CTNNA2: variants seen among roughly 807,000 people sequenced by gnomAD.
The protein encoded by CTNNA2 is catenin alpha-2.
A neutral mutation model predicts 101.0 loss-of-function variants in CTNNA2; 42 were observed. The ratio of observed to expected loss-of-function variants is 0.42; its 90% CI spans 0.32 to 0.54. The LOEUF is 0.54. Among genes scored for constraint, CTNNA2 ranks in the 20% least tolerant of loss-of-function variants. The pLI is 0.14. For missense variants in CTNNA2, 871 were observed against 1,223.1 expected (o/e 0.71, Z 4.29); for synonymous variants, 450 against 456.4 (o/e 0.99, Z 0.18).
At chr2:80,083,279 T>G (rs1408538908) in intron 7 of CTNNA2, among the ~76,000 whole-genome samples, 1 of 152,152 alleles carries the variant, frequency 6.6e-6, no homozygotes, top group Non-Finnish European at 1.5e-5. Flanking sequence ...GTACTAGTTT[T>G]GAAATTCCCA....
chr2:79,412,603 G>T (rs988789282), intron 4 of CTNNA2, among the ~76,000 whole-genome samples: 3 of 151,718 alleles, frequency 2.0e-5, no homozygotes, highest in African/African-American at 7.3e-5. Context: ...ACTCAAAACC[G>T]CTCAACTACA....
At chr2:80,639,168 C>T (rs1673176268) in intron 18 of CTNNA2, among the ~76,000 whole-genome samples, 1 of 152,278 alleles carries the variant, frequency 6.6e-6, no homozygotes, top group South Asian at 2.1e-4. Context: ...CAGAATTTCA[C>T]TTATCAGGGA....
At chr2:79,302,118 GTAAA>G (rs200230820) in intron 2 of CTNNA2, among the ~76,000 whole-genome samples, 20 of 150,066 alleles carry the variant, frequency 1.3e-4, no homozygotes, top group African/African-American at 4.4e-4. Context: ...AAATAAATAA[GTAAA>G]TAAATAAATA....
At chr2:79,728,080 T>G (rs1686969819) in intron 2 of CTNNA2, among the ~76,000 whole-genome samples, 1 of 152,168 alleles carries the variant, frequency 6.6e-6, no homozygotes, top group Non-Finnish European at 1.5e-5. Flanking sequence ...TGTAATCCTT[T>G]GGGTATATAC....
At chr2:79,819,376 A>G (rs888446574) in intron 3 of CTNNA2, among the ~76,000 whole-genome samples, 1 of 152,068 alleles carries the variant, frequency 6.6e-6, no homozygotes, top group Non-Finnish European at 1.5e-5. Flanking sequence ...CTTATAACTT[A>G]TGGGCTTACT....
intron 2 of CTNNA2, among the ~76,000 whole-genome samples, chr2:79,739,001 C>T (rs1395297327): frequency 1.3e-5 from 2 of 151,910 alleles, no homozygotes; most frequent in East Asian, 3.9e-4. Context: ...CCTTGGAAAA[C>T]ATCAGCTCCA....
chr2:79,256,789 C>T (rs1286298707), intron 2 of CTNNA2, among the ~76,000 whole-genome samples: 1 of 152,080 alleles, frequency 6.6e-6, no homozygotes, highest in Non-Finnish European at 1.5e-5. Flanking sequence ...TCTCTAAGCC[C>T]CAGTTTTCTC....
intron 7 of CTNNA2, among the ~76,000 whole-genome samples, chr2:80,271,404 G>A (rs1673461776): frequency 1.3e-5 from 2 of 150,836 alleles, no homozygotes; most frequent in Non-Finnish European, 1.5e-5. Flanking sequence ...CATTGACCAA[G>A]CTTCTTTATC....
At chr2:80,205,202 A>G (rs541138089) in intron 7 of CTNNA2, among the ~76,000 whole-genome samples, 1 of 152,258 alleles carries the variant, frequency 6.6e-6, no homozygotes, top group East Asian at 1.9e-4. Context: ...CCAAACCTAA[A>G]AGGTAGAGAG....
intron 14 of CTNNA2, among the ~76,000 whole-genome samples, chr2:80,584,817 A>C (rs1294347454): frequency 1.3e-5 from 2 of 152,154 alleles, no homozygotes; most frequent in Non-Finnish European, 2.9e-5. Context: ...GGTAATGGTG[A>C]TGATGCTTGT....
chr2:80,395,993 C>G (rs1677979378), intron 8 of CTNNA2, among the ~76,000 whole-genome samples: 1 of 152,166 alleles, frequency 6.6e-6, no homozygotes, highest in African/African-American at 2.4e-5. Context: ...AAGGGTGACC[C>G]TGGAGCCTTG....
At chr2:79,995,149 T>G (rs1471050083) in intron 7 of CTNNA2, among the ~76,000 whole-genome samples, 1 of 152,192 alleles carries the variant, frequency 6.6e-6, no homozygotes, top group African/African-American at 2.4e-5. Flanking sequence ...TCCTTGGCAA[T>G]GCAATTATCT....
chr2:79,285,684 A>T (rs12614434), intron 2 of CTNNA2, among the ~76,000 whole-genome samples: 58,286 of 88,878 alleles, frequency 0.66, 19,093 homozygotes, highest in East Asian at 0.73. Flanking sequence ...GTATGTGGTC[A>T]ATTTTGGAAT....
chr2:80,189,558 A>G (rs556899321), intron 7 of CTNNA2, among the ~76,000 whole-genome samples: 1 of 152,332 alleles, frequency 6.6e-6, no homozygotes, highest in East Asian at 1.9e-4. Context: ...AGTAGCCTTC[A>G]GGATCACATT....
Position 79,888,976 on chromosome 2 carries a change from T to C in CTNNA2, c.852+14634T>C, listed in dbSNP as rs563335645. Among the ~76,000 whole-genome samples the C allele has an allele frequency of 3.9e-5, 6 of 152,318 alleles. 1 individual carries two copies. In the South Asian group the frequency reaches 1.2e-3, roughly 32 times the overall value. The stretch of plus-strand genomic sequence containing the variant: ...TTATTAGAGCAACATGTGGTTTATT[T>C]AAAATGTTTGATTTTTTAATCTTTA... On this transcript the variant is annotated intron_variant, in intron 6 of 18. Coordinates refer to ENST00000402739, the MANE Select transcript of CTNNA2 (RefSeq NM_001282597.3).
chr2:79,562,414 G>A (rs1674837667), intron 1 of CTNNA2, among the ~76,000 whole-genome samples: 1 of 151,914 alleles, frequency 6.6e-6, no homozygotes, highest in Non-Finnish European at 1.5e-5. Flanking sequence ...ATGTAGTTAG[G>A]TAAATTTATT....
chr2:79,414,062 T>A lies in CTNNA2; in HGVS notation c.-135+40049T>A, dbSNP rs145636789. On this transcript the variant is annotated intron_variant, in intron 4 of 21. Transcript: ENST00000466387. ...TGCGGTTTTTTTAGAGTTGATAACA[T>A]TGACAACCAGCATAACTAAATTTTC... is the stretch of plus-strand genomic sequence containing the variant. 6.6e-5 allele frequency among the ~76,000 whole-genome samples: 10 copies of A among 150,900 alleles called. No homozygotes were observed. The East Asian group carries it at 1.2e-3, about 18-fold the overall frequency.
chr2:80,149,629 C>T (rs112200324), intron 7 of CTNNA2, among the ~76,000 whole-genome samples: 2 of 152,272 alleles, frequency 1.3e-5, no homozygotes, highest in Admixed American at 6.5e-5. Context: ...ACTTACGTAA[C>T]TGTAGGCCTA....
intron 7 of CTNNA2, among the ~76,000 whole-genome samples, chr2:80,134,371 A>C (rs1476433942): frequency 6.6e-6 from 1 of 152,134 alleles, no homozygotes; most frequent in African/African-American, 2.4e-5. Flanking sequence ...CTGTGCAACT[A>C]CGCTAAGTGC....
Sources: allele counts gnomAD v4.1 joint callset (sites outside exome capture counted in the v4.1 genomes callset), GRCh38; gene constraint gnomAD v4.1.1; transcripts MANE v1.5; gene names NCBI Gene and HGNC (gene_info 2026-07-23, HGNC 2026-07-21).